Variants in UBE2H observed in about 807,000 individuals in gnomAD.
The protein encoded by UBE2H is ubiquitin conjugating enzyme E2 H, also known as ubiquitin-conjugating enzyme E2 H.
A neutral mutation model predicts 29.0 loss-of-function variants in UBE2H; 3 were observed. That is an observed-to-expected ratio of 0.10 (90% CI 0.05 to 0.27). The LOEUF is 0.27. Among genes scored for constraint, UBE2H ranks in the 10% least tolerant of loss-of-function variants. UBE2H has a pLI of 1.00. For synonymous variants in UBE2H, 69 were observed against 82.9 expected, an observed-to-expected ratio of 0.83 and a Z score of 0.91; for missense variants, 68 against 228.2, an observed-to-expected ratio of 0.30 and a Z score of 4.52.
intron 1 of UBE2H, among the ~76,000 whole-genome samples, chr7:129,952,191 GGCGACTGGTCGTGCAAAA>G (rs1240820078): frequency 6.6e-6 from 1 of 151,910 alleles, no homozygotes; most frequent in Non-Finnish European, 1.5e-5. Flanking sequence ...TAGAGAGTGA[GGCGACTGGTCGTGCAAAA>G]AGAAAAAAGG....
Position 129,832,897 on chromosome 7 carries a change from CAA to C in UBE2H, c.*2038_*2039del, listed in dbSNP as rs756586016. 2 of 152,150 alleles carry C rather than the reference CAA, an allele frequency of 1.3e-5. No homozygotes were observed. The highest frequency in any genetic ancestry group is 2.9e-5 in the Non-Finnish European group (2 of 68,034). The allele number at this position is 152,150 out of a possible 1,614,324, so 9.4% of individuals were successfully genotyped here. A position where few individuals can be genotyped will look rare whatever the true frequency, so the allele number is the denominator to read the frequency against. ...TAAATGTCATAGCACAAGCAAACTG[CAA>C]AGTCAGCAGGTAAGCAAGTTAGACA... On this transcript the variant is annotated 3_prime_UTR_variant, in exon 7 of 7. Transcript: ENST00000355621.
chr7:129,872,898 GTA>G (rs1806070870), intron 3 of UBE2H, among the ~76,000 whole-genome samples: 1 of 146,594 alleles, frequency 6.8e-6, no homozygotes, highest in Non-Finnish European at 1.5e-5. Flanking sequence ...GGTTATCAGA[GTA>G]TATGCCAGAC....
At chr7:129,888,868 T>G (rs1252761763) in intron 1 of UBE2H, among the ~76,000 whole-genome samples, 1 of 152,174 alleles carries the variant, frequency 6.6e-6, no homozygotes, top group African/African-American at 2.4e-5. Context: ...CAGAAAGAGT[T>G]TGCATAAAGT....
At chr7:129,847,042 C>CGGAGTCTCGCTCTATCTCCCCAGGCT (rs1401546288) in intron 5 of UBE2H, among the ~76,000 whole-genome samples, 3 of 150,614 alleles carry the variant, frequency 2.0e-5, no homozygotes, top group East Asian at 3.9e-4. Context: ...TTTTTTGAGA[C>CGGAGTCTCGCTCTATCTCCCCAGGCT]GGAGTCTCGC....
At position 129,832,184 on chromosome 7, in the gene UBE2H, G is replaced by C. The variant is rs936193781; in HGVS notation, c.*2753C>G. The C allele has an allele frequency of 6.6e-6, 1 of 152,292 alleles. No individual in the cohort carries two copies. Among genetic ancestry groups the C allele is most frequent in the Non-Finnish European group, 1.5e-5 (1 of 68,110 alleles). The allele number at this position is 152,292 out of a possible 1,614,324, so 9.4% of individuals were successfully genotyped here. On this transcript the variant is annotated 3_prime_UTR_variant, in exon 7 of 7. Transcript: ENST00000355621. The stretch of plus-strand genomic sequence containing the variant: ...TTCTTCCAGATCTTTCTGTACCTGT[G>C]TGTTTGGGCTCCTACTCCCACCTCT...
At chr7:129,849,195 C>T (rs1009109911) in intron 5 of UBE2H, among the ~76,000 whole-genome samples, 2 of 151,998 alleles carry the variant, frequency 1.3e-5, no homozygotes, top group Admixed American at 1.3e-4. Flanking sequence ...TGACAGACAG[C>T]CCCTCAAGGA....
intron 3 of UBE2H, among the ~76,000 whole-genome samples, chr7:129,867,712 A>C (rs1419013538): frequency 1.1e-5 from 1 of 89,380 alleles, no homozygotes; most frequent in African/African-American, 4.9e-5. Context: ...AAAAAAAAAA[A>C]AAAAAGAAAA....
intron 4 of UBE2H, among the ~76,000 whole-genome samples, chr7:129,858,027 G>A (rs552624292): frequency 1.3e-5 from 2 of 152,262 alleles, no homozygotes; most frequent in South Asian, 2.1e-4. Flanking sequence ...GCAGGCTGAG[G>A]AACTAATCCT....
intron 1 of UBE2H, among the ~76,000 whole-genome samples, chr7:129,888,190 A>T (rs1022753714): frequency 5.3e-5 from 8 of 152,224 alleles, no homozygotes; most frequent in African/African-American, 1.9e-4. Flanking sequence ...CTTCAAATGA[A>T]GAGGGGGAAG....
intron 1 of UBE2H, among the ~76,000 whole-genome samples, chr7:129,898,926 T>G (rs781650025): frequency 6.6e-6 from 1 of 151,922 alleles, no homozygotes; most frequent in Non-Finnish European, 1.5e-5. Context: ...GCACTTTCCA[T>G]AGAGATGTTT....
chr7:129,864,061 G>C (rs75485697), intron 3 of UBE2H, among the ~76,000 whole-genome samples: 9,505 of 152,186 alleles, frequency 0.062, 367 homozygotes, highest in Non-Finnish European at 0.091. Context: ...CAAAAGTGTG[G>C]GGAATTACAG....
chr7:129,857,858 CAAG>C, intron 4 of UBE2H, among the ~76,000 whole-genome samples: 1 of 152,264 alleles, frequency 6.6e-6, no homozygotes, highest in South Asian at 2.1e-4. Flanking sequence ...TGTGATACCC[CAAG>C]AAGGACACCA....
At chr7:129,864,939 G>A in intron 3 of UBE2H, 2 of 252,788 alleles carry the variant, frequency 7.9e-6, no homozygotes, top group Admixed American at 8.9e-5. Flanking sequence ...GTTATTCTCT[G>A]GCGTAGTTCT....
intron 1 of UBE2H, among the ~76,000 whole-genome samples, chr7:129,948,401 G>A (rs926491634): frequency 2.0e-5 from 3 of 152,174 alleles, no homozygotes; most frequent in Non-Finnish European, 2.9e-5. Flanking sequence ...ATTAACTCAG[G>A]CCGTTTTAAT....
chr7:129,867,699 TAAAAAAAAAA>T (rs59742626), intron 3 of UBE2H, among the ~76,000 whole-genome samples: 1 of 29,644 alleles, frequency 3.4e-5, no homozygotes, highest in Admixed American at 5.7e-4. Context: ...TAGAGTATAA[TAAAAAAAAAA>T]AAAAAAAAGA....
chr7:129,860,876 G>A (rs1180109444), intron 3 of UBE2H, among the ~76,000 whole-genome samples: 1 of 152,088 alleles, frequency 6.6e-6, no homozygotes, highest in African/African-American at 2.4e-5. Context: ...TTAGGGCACA[G>A]GGCCAGGGTC....
At chr7:129,880,662 T>C (rs1353874438) in intron 2 of UBE2H, among the ~76,000 whole-genome samples, 1 of 151,876 alleles carries the variant, frequency 6.6e-6, no homozygotes, top group Non-Finnish European at 1.5e-5. Context: ...TAAAGGGACT[T>C]GAGCATCTGT....
chr7:129,881,436 C>T (rs1806250781), intron 1 of UBE2H, among the ~76,000 whole-genome samples: 1 of 152,188 alleles, frequency 6.6e-6, no homozygotes, highest in African/African-American at 2.4e-5. Flanking sequence ...CACCTGAGGT[C>T]AGGAGTTCGA....
intron 1 of UBE2H, among the ~76,000 whole-genome samples, chr7:129,944,099 G>A (rs1807703400): frequency 6.6e-6 from 1 of 152,122 alleles, no homozygotes; most frequent in African/African-American, 2.4e-5. Context: ...GCTCATGCCT[G>A]TAATCCCAGC....
Sources: allele counts gnomAD v4.1 joint callset (sites outside exome capture counted in the v4.1 genomes callset), GRCh38; gene constraint gnomAD v4.1.1; transcripts MANE v1.5; gene names NCBI Gene and HGNC (gene_info 2026-07-23, HGNC 2026-07-21).